Variants in CA4 observed in about 807,000 individuals in gnomAD.
CA4 encodes CA-IV.
CA4 carries 24 observed loss-of-function variants against 34.5 expected under a neutral mutation model. The ratio of observed to expected loss-of-function variants is 0.70; its 90% CI spans 0.50 to 0.98. The LOEUF is 0.98. Among genes scored for constraint, CA4 ranks in the 50% least tolerant of loss-of-function variants. The probability of loss-of-function intolerance (pLI) is 0.00; values close to 1 mark genes in which losing one functional copy is unlikely to be tolerated. For missense variants in CA4, 394 were observed against 396.7 expected, an observed-to-expected ratio of 0.99 and a Z score of 0.06; for synonymous variants, 178 against 170.6, an observed-to-expected ratio of 1.04 and a Z score of -0.34.
At chr17:60,162,041 C>G (rs1326533552), downstream of CA4, among the ~76,000 whole-genome samples, 1 of 152,178 alleles carries the variant, frequency 6.6e-6, no homozygotes, top group Non-Finnish European at 1.5e-5. Context: ...CGACCCTCCC[C>G]ATCCCCCTGG....
At chr17:60,164,985 T>C (rs1399576356) in intron 5 of CA4, among the ~76,000 whole-genome samples, 4 of 152,106 alleles carry the variant, frequency 2.6e-5, no homozygotes, top group Admixed American at 1.3e-4. Flanking sequence ...ATCTGTGAAA[T>C]GGGGGTGATG....
At position 60,158,417 on chromosome 17, in the gene CA4, C is replaced by A. The variant is rs1199881654; in HGVS notation, c.715C>A (p.Arg239=). The A allele has an allele frequency of 1.2e-6, 2 of 1,613,928 alleles. No homozygotes were observed. Among genetic ancestry groups the A allele is most frequent in the Non-Finnish European group, 1.7e-6 (2 of 1,180,024 alleles). ...CDEKVVWTVF[R]EPIQLHREQI... ...TGAGAAGGTCGTCTGGACTGTGTTC[C>A]GGGAGCCCATTCAGCTTCACAGAGA... Residue 239 remains arginine, a synonymous_variant, in exon 7 of 8, where the codon CGG becomes AGG. Transcript: ENST00000300900.
At chr17:60,171,752 T>A (rs186592467), downstream of CA4, among the ~76,000 whole-genome samples, 22 of 152,276 alleles carry the variant, frequency 1.4e-4, no homozygotes, top group Admixed American at 1.4e-3. Flanking sequence ...TAGCTATGGG[T>A]CCTTCAGGTA....
At chr17:60,163,979 AAAG>A (rs2083824453), downstream of CA4, among the ~76,000 whole-genome samples, 1 of 151,836 alleles carries the variant, frequency 6.6e-6, no homozygotes, top group African/African-American at 2.4e-5. Context: ...AGGGGGAAAA[AAAG>A]AAGCCAGACG....
chr17:60,174,860 A>G (rs546152070), downstream of CA4, among the ~76,000 whole-genome samples: 2 of 152,306 alleles, frequency 1.3e-5, no homozygotes, highest in African/African-American at 4.8e-5. Context: ...CTCCAATTCA[A>G]TGGTGTTTAG....
At position 60,156,296 on chromosome 17, in the gene CA4, T is replaced by C. The variant is rs114213922; in HGVS notation, c.113-264T>C. On this transcript the variant is annotated intron_variant, in intron 2 of 7. Coordinates refer to ENST00000300900, the MANE Select transcript of CA4 (RefSeq NM_000717.5). ...CTACCCCGGAGCTCACAGTCAACAG[T>C]TGGCAACCCTGTTCCCACCCTGTTC... Among the ~76,000 whole-genome samples, 267 of 152,308 alleles carry C rather than the reference T, an allele frequency of 1.8e-3. 1 individual carries two copies. Among genetic ancestry groups the C allele is most frequent in the African/African-American group, 6.2e-3 (257 of 41,570 alleles).
downstream of CA4, among the ~76,000 whole-genome samples, chr17:60,164,192 T>A (rs551410965): frequency 2.1e-5 from 3 of 142,398 alleles, no homozygotes; most frequent in Non-Finnish European, 4.6e-5. Context: ...CTTTCTCTTT[T>A]TCTTTCTTTC....
At chr17:60,176,824 C>T in the CA4 span, among the ~76,000 whole-genome samples, 1 of 152,102 alleles carries the variant, frequency 6.6e-6, no homozygotes, top group Non-Finnish European at 1.5e-5. Flanking sequence ...AAAACTGCTC[C>T]ACCTCAAATC....
intron 3 of CA4, among the ~76,000 whole-genome samples, chr17:60,157,225 C>G (rs1017906385): frequency 1.3e-5 from 2 of 152,224 alleles, no homozygotes; most frequent in Non-Finnish European, 2.9e-5. Flanking sequence ...GGGAGGCAGG[C>G]AGGGAGACCA....
chr17:60,159,343 C>G lies in CA4; in HGVS notation c.858C>G (p.Ala286=). 1 of 1,609,232 alleles carries G rather than the reference C, an allele frequency of 6.2e-7. No individual in the cohort carries two copies. Among genetic ancestry groups the G allele is most frequent in the Non-Finnish European group, 8.5e-7 (1 of 1,178,034 alleles). The part of the protein sequence containing the change: ...LGQRTVIKSG[A]PGRPLPWALP... ...AGCGCACGGTGATAAAGTCCGGGGC[C>G]CCGGGTCGGCCGCTGCCCTGGGCCC... The change falls in exon 8 of 8, where the codon GCC becomes GCG. Residue 286 remains alanine, a synonymous_variant. Transcript: ENST00000300900.
At chr17:60,150,139 C>G (rs1232163707) in intron 1 of CA4, 47 bp downstream of exon 1, 2 of 1,485,050 alleles carry the variant, frequency 1.3e-6, no homozygotes, top group African/African-American at 2.8e-5. Flanking sequence ...CGGTCCCCTC[C>G]GTGCCCCCAG....
At chr17:60,162,043 T>A (rs1184256778), downstream of CA4, among the ~76,000 whole-genome samples, 2 of 151,810 alleles carry the variant, frequency 1.3e-5, no homozygotes, top group African/African-American at 4.8e-5. Flanking sequence ...ACCCTCCCCA[T>A]CCCCCTGGTC....
At chr17:60,175,260 A>G (rs1181921097), downstream of CA4, among the ~76,000 whole-genome samples, 1 of 144,060 alleles carries the variant, frequency 6.9e-6, no homozygotes, top group East Asian at 2.0e-4. Context: ...GAACCAGCCC[A>G]TTTTTAGCTT....
At chr17:60,156,427 G>A in intron 2 of CA4, 133 bp from the exon 3 acceptor site, 3 of 877,546 alleles carry the variant, frequency 3.4e-6, no homozygotes, top group South Asian at 2.6e-5. Flanking sequence ...CATCCCTGCA[G>A]CACAGCCTTC....
chr17:60,153,321 G>A (rs2083622906), intron 1 of CA4, among the ~76,000 whole-genome samples: 2 of 152,170 alleles, frequency 1.3e-5, no homozygotes, highest in African/African-American at 4.8e-5. Context: ...CTGGGCAACA[G>A]AGCGAGACTC....
rs1047342388 is a variant in CA4 at position 60,157,435 on chromosome 17, T to C, written c.277T>C (p.Leu93=). ...VQNNGHSVMM[L]LENKASISGG... Reference sequence around the variant, plus strand: ...CCCTTCTGTGCTCCCAGTGATGATGTTGCTGGAGAACAAGGCCAGCATTTC... The same window carrying C: ...CCCTTCTGTGCTCCCAGTGATGATGCTGCTGGAGAACAAGGCCAGCATTTC... Residue 93 remains leucine (L), a synonymous_variant, in exon 4 of 8, where the codon TTG becomes CTG. Coordinates refer to ENST00000300900, the MANE Select transcript of CA4 (RefSeq NM_000717.5). 7 of 1,614,098 alleles carry C rather than the reference T, an allele frequency of 4.3e-6. No individual in the cohort carries two copies. The highest frequency in any genetic ancestry group is 5.9e-6 in the Non-Finnish European group (7 of 1,180,036).
At chr17:60,153,821 C>G (rs1487852486) in intron 1 of CA4, among the ~76,000 whole-genome samples, 2 of 152,188 alleles carry the variant, frequency 1.3e-5, no homozygotes, top group Non-Finnish European at 2.9e-5. Context: ...CTCCCAGGGA[C>G]AGCAGAGCCC....
At chr17:60,168,377 A>G (rs1598007271) in intron 5 of CA4, among the ~76,000 whole-genome samples, 2 of 16,434 alleles carry the variant, frequency 1.2e-4, no homozygotes, top group African/African-American at 3.4e-4. Context: ...CAGGTGGGGA[A>G]GGGTGATTTC....
chr17:60,178,136 A>G, the CA4 span, among the ~76,000 whole-genome samples: 3 of 152,350 alleles, frequency 2.0e-5, no homozygotes, highest in South Asian at 6.2e-4. Flanking sequence ...AAGCAAAACT[A>G]AAGTTGACTT....
Sources: gnomAD v4.1 joint callset for allele counts (sites outside exome capture counted in the v4.1 genomes callset) on GRCh38, gnomAD v4.1.1 for gene constraint, MANE v1.5 for transcripts, NCBI Gene and HGNC (gene_info 2026-07-23, HGNC 2026-07-21) for gene names.